Variants in CCDC60 observed in about 807,000 individuals in gnomAD.
CCDC60 encodes coiled-coil domain containing 60, also known as coiled-coil domain-containing protein 60.
In CCDC60, 54 loss-of-function variants were observed where a neutral mutation model predicts 63.5. The observed-to-expected ratio is 0.85, with a 90% CI of 0.68 to 1.07. The LOEUF is 1.07. CCDC60 is among the 50% of genes least tolerant of loss of function. The pLI, the probability that CCDC60 is intolerant of heterozygous loss-of-function variation, is 0.00. For synonymous variants in CCDC60, 206 were observed against 238.8 expected (o/e 0.86, Z 1.27); for missense variants, 651 against 684.3 (o/e 0.95, Z 0.54).
chr12:119,419,108 C>T (rs1280750496), intron 1 of CCDC60, among the ~76,000 whole-genome samples: 3 of 152,202 alleles, frequency 2.0e-5, no homozygotes, highest in Non-Finnish European at 4.4e-5. Flanking sequence ...CTGGATCTCC[C>T]TGTTGCATTG....
chr12:119,336,323 G>A (rs962589584), intron 1 of CCDC60, among the ~76,000 whole-genome samples: 1 of 152,134 alleles, frequency 6.6e-6, no homozygotes, highest in Non-Finnish European at 1.5e-5. Context: ...TTAAATTGTC[G>A]AGACACATTC....
chr12:119,352,868 A>T (rs757932096), intron 1 of CCDC60, among the ~76,000 whole-genome samples: 27 of 152,306 alleles, frequency 1.8e-4, no homozygotes, highest in South Asian at 1.5e-3. Context: ...TGGACCAGGG[A>T]GGCGGAGGTT....
At chr12:119,419,358 G>A (rs1956766624) in intron 1 of CCDC60, among the ~76,000 whole-genome samples, 1 of 152,182 alleles carries the variant, frequency 6.6e-6, no homozygotes, top group Admixed American at 6.5e-5. Context: ...ATTAGATTCA[G>A]ATTGGACCTC....
intron 4 of CCDC60, among the ~76,000 whole-genome samples, chr12:119,482,006 A>ATATATATAT (rs1377419532): frequency 3.7e-5 from 3 of 80,044 alleles, no homozygotes; most frequent in African/African-American, 9.1e-5. Context: ...ATGTATATAT[A>ATATATATAT]GTATATATAT....
intron 13 of CCDC60, among the ~76,000 whole-genome samples, chr12:119,539,338 T>A (rs1008152340): frequency 6.6e-6 from 1 of 152,214 alleles, no homozygotes; most frequent in African/African-American, 2.4e-5. Context: ...GGGAGTTTTA[T>A]CTATAAGTCC....
At chr12:119,461,319 G>A (rs1208008805) in intron 2 of CCDC60, among the ~76,000 whole-genome samples, 2 of 152,104 alleles carry the variant, frequency 1.3e-5, no homozygotes, top group Non-Finnish European at 2.9e-5. Flanking sequence ...TTGTGATTCA[G>A]AGAGGTTTAA....
intron 1 of CCDC60, among the ~76,000 whole-genome samples, chr12:119,382,564 G>A (rs1249917755): frequency 6.6e-6 from 1 of 152,186 alleles, no homozygotes; most frequent in Non-Finnish European, 1.5e-5. Flanking sequence ...GGCCCAGTAT[G>A]GCCTGTACTA....
rs146478143 is a variant in CCDC60 at position 119,410,003 on chromosome 12, C to A, written c.91-18680C>A. ...CAGCCTCTTAGCCACCACTCTTGTT[C>A]CCAGATTCAGCTCCAAAGACTCAAG... On this transcript the variant is annotated intron_variant, in intron 1 of 13. Transcript: ENST00000327554. The surrounding 1 kb of genome is among the most constrained non-coding windows in gnomAD (Gnocchi z 4.0). Among the ~76,000 whole-genome samples, 295 of 152,294 alleles carry A rather than the reference C, an allele frequency of 1.9e-3. No individual in the cohort carries two copies. The highest frequency in any genetic ancestry group is 6.9e-3 in the African/African-American group (286 of 41,560).
At chr12:119,481,457 A>T (rs1951317151) in intron 4 of CCDC60, among the ~76,000 whole-genome samples, 1 of 152,170 alleles carries the variant, frequency 6.6e-6, no homozygotes, top group South Asian at 2.1e-4. Context: ...AGCCCAATCC[A>T]CAATTTATTT....
intron 2 of CCDC60, among the ~76,000 whole-genome samples, chr12:119,440,951 C>CTTA (rs75704927): frequency 0.26 from 39,521 of 152,070 alleles, 5,271 homozygotes; most frequent in African/African-American, 0.32. Flanking sequence ...GTCTGACACA[C>CTTA]GGTAAGTGCT....
intron 1 of CCDC60, among the ~76,000 whole-genome samples, chr12:119,366,811 C>A (rs1955845087): frequency 6.6e-6 from 1 of 152,100 alleles, no homozygotes; most frequent in African/African-American, 2.4e-5. Flanking sequence ...TAAGTAAGAA[C>A]AGAAGGAACA....
chr12:119,404,676 T>A (rs1002515028), intron 1 of CCDC60, among the ~76,000 whole-genome samples: 1 of 152,198 alleles, frequency 6.6e-6, no homozygotes, highest in South Asian at 2.1e-4. Context: ...CCAACAGGGA[T>A]GAGGACAGGT....
chr12:119,398,334 G>A (rs1270676928), intron 1 of CCDC60, among the ~76,000 whole-genome samples: 1 of 152,118 alleles, frequency 6.6e-6, no homozygotes, highest in Non-Finnish European at 1.5e-5. Context: ...CGCTCCTAGT[G>A]CGTGGCCCTC....
chr12:119,527,645 T>C (rs1653096173), intron 11 of CCDC60, among the ~76,000 whole-genome samples: 1 of 142,120 alleles, frequency 7.0e-6, no homozygotes, highest in Non-Finnish European at 1.5e-5. Flanking sequence ...GAGACTTTGT[T>C]TTTTCTTTCT....
chr12:119,534,621 A>C (rs1391123487), intron 13 of CCDC60, among the ~76,000 whole-genome samples: 2 of 152,212 alleles, frequency 1.3e-5, no homozygotes, highest in East Asian at 3.8e-4. Flanking sequence ...AGTTTTTAGC[A>C]TGAAGGGCTG....
chr12:119,400,808 C>T (rs79761037), intron 1 of CCDC60, among the ~76,000 whole-genome samples: 1,706 of 152,082 alleles, frequency 0.011, 30 homozygotes, highest in African/African-American at 0.039. Context: ...TTATTTGCTT[C>T]GCCAACAACT....
At chr12:119,422,259 T>C (rs1408716406) in intron 1 of CCDC60, among the ~76,000 whole-genome samples, 2 of 152,124 alleles carry the variant, frequency 1.3e-5, no homozygotes, top group Non-Finnish European at 2.9e-5. Context: ...CAAAATCAAC[T>C]GTCCCCAAGA....
intron 1 of CCDC60, among the ~76,000 whole-genome samples, chr12:119,354,167 T>C (rs1350464534): frequency 2.6e-5 from 4 of 152,170 alleles, no homozygotes; most frequent in Non-Finnish European, 4.4e-5. Context: ...CAATATTTCT[T>C]AGTTCTTCCT....
At chr12:119,354,009 ACTCT>A (rs758106724) in intron 1 of CCDC60, among the ~76,000 whole-genome samples, 25 of 142,454 alleles carry the variant, frequency 1.8e-4, no homozygotes, top group Non-Finnish European at 3.4e-4. Context: ...TGTCTTTCTC[ACTCT>A]CTCTCACCCT....
Sources: gnomAD v4.1 joint callset for allele counts (sites outside exome capture counted in the v4.1 genomes callset) on GRCh38, gnomAD v4.1.1 for gene constraint, Gnocchi (gnomAD v3.1) non-coding constraint, MANE v1.5 for transcripts, NCBI Gene and HGNC (gene_info 2026-07-23, HGNC 2026-07-21) for gene names.